The following ABCA10 variants were observed in gnomAD, a reference collection of about 807,000 sequenced individuals.
ABCA10 encodes ATP binding cassette subfamily A member 10, also known as ATP-binding cassette sub-family A member 10.
Under a neutral mutation model 187.5 loss-of-function variants are expected in ABCA10, and 169 were observed. The observed-to-expected ratio is 0.90, with a 90% CI of 0.80 to 1.02. The LOEUF is 1.02. ABCA10 is among the 50% of genes least tolerant of loss of function. The pLI, the probability that ABCA10 is intolerant of heterozygous loss-of-function variation, is 0.00. For synonymous variants in ABCA10, 574 were observed against 601.8 expected, an observed-to-expected ratio of 0.95 and a Z score of 0.68; for missense variants, 1,727 against 1,812.4, an observed-to-expected ratio of 0.95 and a Z score of 0.86.
At chr17:69,182,932 C>A (rs2074392068) in intron 20 of ABCA10, 124 bp from the exon 21 acceptor site, 2 of 1,266,592 alleles carry the variant, frequency 1.6e-6, no homozygotes, top group Admixed American at 2.4e-5. Flanking sequence ...TAGTAAAGAG[C>A]CTTGCTCTTT....
At chr17:69,238,461 A>T (rs1381194089) in intron 1 of ABCA10, among the ~76,000 whole-genome samples, 1 of 152,184 alleles carries the variant, frequency 6.6e-6, no homozygotes, top group Non-Finnish European at 1.5e-5. Context: ...CAAATCAGGG[A>T]CTAGAGACAT....
intron 24 of ABCA10, 64 bp from the exon 25 acceptor site, chr17:69,174,458 G>T: frequency 7.5e-7 from 1 of 1,337,124 alleles, no homozygotes; most frequent in South Asian, 1.3e-5. Flanking sequence ...AAGAGGAGGG[G>T]AGATAATCAG....
rs981514218 is a variant in ABCA10, at chr17:69,148,186, T to G, written c.*641A>C. On this transcript the variant is annotated 3_prime_UTR_variant, in exon 39 of 39. Transcript: ENST00000690296. ...GGTGAAAAGATACAGAAAATGACTA[T>G]GCCTACTGATACTACCTTTGAAAAA... 4 of 152,196 alleles carry G rather than the reference T, an allele frequency of 2.6e-5. No individual in the cohort carries two copies. The highest frequency in any genetic ancestry group is 9.7e-5 in the African/African-American group (4 of 41,442). The allele number at this position is 152,196 out of a possible 1,614,324, so 9.4% of individuals were successfully genotyped here. A position where few individuals can be genotyped will look rare whatever the true frequency, so the allele number is the denominator to read the frequency against.
At chr17:69,183,956 G>C (rs8072067) in intron 20 of ABCA10, among the ~76,000 whole-genome samples, 200 of 152,244 alleles carry the variant, frequency 1.3e-3, no homozygotes, top group African/African-American at 4.1e-3. Context: ...CTTTCTCAAA[G>C]GGAGTCTTGT....
intron 1 of ABCA10, among the ~76,000 whole-genome samples, chr17:69,227,860 T>C (rs576113385): frequency 2.0e-5 from 3 of 151,942 alleles, no homozygotes; most frequent in Admixed American, 6.6e-5. Context: ...ATGAAGTAAA[T>C]ATGTAAGATA....
chr17:69,209,601 A>C (rs140109976), intron 9 of ABCA10, among the ~76,000 whole-genome samples: 1 of 152,254 alleles, frequency 6.6e-6, no homozygotes, highest in African/African-American at 2.4e-5. Flanking sequence ...GGGTTTGAAA[A>C]TAACAGTAAT....
intron 3 of ABCA10, among the ~76,000 whole-genome samples, chr17:69,223,231 C>T (rs2144849596): frequency 6.6e-6 from 1 of 152,060 alleles, no homozygotes; most frequent in South Asian, 2.1e-4. Context: ...AATACAAATA[C>T]TCAGAATTTG....
At chr17:69,177,290 T>C (rs1431491435) in intron 22 of ABCA10, among the ~76,000 whole-genome samples, 1 of 152,214 alleles carries the variant, frequency 6.6e-6, no homozygotes, top group Non-Finnish European at 1.5e-5. Flanking sequence ...CTCTTTTTTA[T>C]ACTTCTTTCA....
chr17:69,222,812 T>C lies in ABCA10; in HGVS notation c.35-115A>G, dbSNP rs549916525. 3.4e-5 allele frequency: 32 copies of C among 932,126 alleles called. No individual in the cohort carries two copies. The South Asian group carries it at 8.7e-4, about 25-fold the overall frequency. The allele number at this position is 932,126 out of a possible 1,614,324, so 57.7% of individuals were successfully genotyped here. A position where few individuals can be genotyped will look rare whatever the true frequency, so the allele number is the denominator to read the frequency against. ...AATTAGTGGTATTATATATTATTTC[T>C]GGATAGCTGCCTCTTAGTAAAAGGC... On this transcript the variant is annotated intron_variant, in intron 3 of 38. Coordinates refer to ENST00000690296, the MANE Select transcript of ABCA10 (RefSeq NM_001377321.1).
rs367575490 is a variant in ABCA10 at position 69,235,795 on chromosome 17, AC to A, written c.-592-6936del. Among the ~76,000 whole-genome samples the A allele has an allele frequency of 9.2e-5, 14 of 152,210 alleles. No homozygotes were observed. The South Asian group carries it at 1.9e-3, about 20-fold the overall frequency. ...ATTTAAAAAAAAGAAAACAAAAAAA[AC>A]AAAAACAAAACCTTAATTTTAAAGT... On this transcript the variant is annotated intron_variant, in intron 1 of 39. Transcript: ENST00000269081.
At chr17:69,211,214 A>G (rs1321908661) in intron 9 of ABCA10, among the ~76,000 whole-genome samples, 1 of 150,662 alleles carries the variant, frequency 6.6e-6, no homozygotes, top group Non-Finnish European at 1.5e-5. Context: ...AATTGCAAAA[A>G]TAGGGAACCA....
At position 69,187,763 on chromosome 17, in the gene ABCA10, C is replaced by G; in HGVS notation, c.2248G>C (p.Ala750Pro). The G allele has an allele frequency of 1.2e-6, 2 of 1,613,940 alleles. No individual in the cohort carries two copies. The highest frequency in any genetic ancestry group is 1.7e-6 in the Non-Finnish European group (2 of 1,179,812). The change falls in exon 19 of 39, where the codon GCT becomes CCT. Residue 750 changes from alanine to proline, a missense_variant. By Grantham distance (27) the Ala-to-Pro change is conservative. Transcript: ENST00000690296. Reference sequence around the variant, plus strand: ...GCATAGATTTGTCGTCTCCAGAGAGCTGCACTACTGACAGCCTTTCTTGTT... The same window carrying G: ...GCATAGATTTGTCGTCTCCAGAGAGGTGCACTACTGACAGCCTTTCTTGTT... The part of the protein sequence containing the change: ...PETRKAVSSA[A>P]LWRRQIYAVA...
chr17:69,213,215 G>A (rs558211203), intron 9 of ABCA10, among the ~76,000 whole-genome samples: 3 of 152,316 alleles, frequency 2.0e-5, no homozygotes, highest in Admixed American at 6.5e-5. Context: ...GCGCCCTACA[G>A]TGGCCAGGAT....
chr17:69,219,788 G>T lies in ABCA10; in HGVS notation c.304-17C>A. 1.3e-6 allele frequency: 2 copies of T among 1,491,442 alleles called. No individual in the cohort carries two copies. The highest frequency in any genetic ancestry group is 1.8e-6 in the Non-Finnish European group (2 of 1,106,842). 92.4% of individuals were successfully genotyped at this position (1,491,442 alleles called of 1,614,324 possible). A position where few individuals can be genotyped will look rare whatever the true frequency, so the allele number is the denominator to read the frequency against. On this transcript the variant is annotated splice_polypyrimidine_tract_variant and intron_variant, in intron 5 of 38. Coordinates refer to ENST00000690296, the MANE Select transcript of ABCA10 (RefSeq NM_001377321.1). ...TGTTGTGACCTAAATTGGGACATTA[G>T]CAAATTTATTATGTGAACTATAGAC...
chr17:69,192,686 GAA>G, intron 15 of ABCA10, 33 bp from the exon 16 acceptor site: 1 of 1,536,834 alleles, frequency 6.5e-7, no homozygotes, highest in Non-Finnish European at 9.0e-7. Context: ...AAAATTATGT[GAA>G]GAGTAATTCC....
Position 69,193,631 on chromosome 17 carries a change from T to C in ABCA10, c.1522-19A>G. 1 of 1,584,618 alleles carries C rather than the reference T, an allele frequency of 6.3e-7. No homozygotes were observed. The highest frequency in any genetic ancestry group is 8.6e-7 in the Non-Finnish European group (1 of 1,164,134). ...TTTTTACCTATCAAAGAAAACTCTG[T>C]GTTAACAATATCAAATATTTTACTT... On this transcript the variant is annotated intron_variant, in intron 13 of 38. Transcript: ENST00000690296.
At chr17:69,241,354 G>T (rs923465216) in intron 1 of ABCA10, among the ~76,000 whole-genome samples, 7 of 152,024 alleles carry the variant, frequency 4.6e-5, no homozygotes. Flanking sequence ...AAATGCAATG[G>T]CCTCCTAACA....
chr17:69,239,288 G>A (rs150784741), intron 1 of ABCA10, among the ~76,000 whole-genome samples: 1 of 152,190 alleles, frequency 6.6e-6, no homozygotes, highest in East Asian at 1.9e-4. Flanking sequence ...CTGGAAGACA[G>A]AGGCCTTATC....
chr17:69,152,014 T>G (rs2074132438), intron 36 of ABCA10, 29 bp downstream of exon 36: 2 of 1,597,470 alleles, frequency 1.3e-6, no homozygotes, highest in Non-Finnish European at 1.7e-6. Context: ...ACACTCATAC[T>G]TGTCACTCAA....
Sources: allele counts gnomAD v4.1 joint callset (sites outside exome capture counted in the v4.1 genomes callset), GRCh38; gene constraint gnomAD v4.1.1; transcripts MANE v1.5; gene names NCBI Gene and HGNC (gene_info 2026-07-23, HGNC 2026-07-21).